Variants in THEMIS observed in about 807,000 individuals in gnomAD.
The protein encoded by THEMIS is protein THEMIS.
A neutral mutation model predicts 52.6 loss-of-function variants in THEMIS; 37 were observed. The observed-to-expected ratio is 0.70, with a 90% CI of 0.54 to 0.93. THEMIS has a LOEUF of 0.93. THEMIS is among the 40% of genes least tolerant of loss of function. The probability of loss-of-function intolerance (pLI) is 0.00; values close to 1 mark genes in which losing one functional copy is unlikely to be tolerated. For synonymous variants in THEMIS, 292 were observed against 272.7 expected (o/e 1.07, Z -0.70); for missense variants, 808 against 763.1 (o/e 1.06, Z -0.69).
At chr6:127,707,353 A>G (rs912705057), downstream of THEMIS, among the ~76,000 whole-genome samples, 2 of 152,126 alleles carry the variant, frequency 1.3e-5, no homozygotes, top group African/African-American at 4.8e-5. Flanking sequence ...ACCTTTCTAG[A>G]TCATTTTAGG....
chr6:127,782,771 C>T (rs910439403), intron 4 of THEMIS, among the ~76,000 whole-genome samples: 1 of 152,174 alleles, frequency 6.6e-6, no homozygotes, highest in Non-Finnish European at 1.5e-5. Flanking sequence ...CTTCCATGCT[C>T]ATGGATAGGA....
At chr6:127,913,104 G>A (rs191840990) in intron 1 of THEMIS, among the ~76,000 whole-genome samples, 2 of 152,090 alleles carry the variant, frequency 1.3e-5, no homozygotes, top group Admixed American at 6.5e-5. Context: ...GTAATGCTCT[G>A]CTGGCCAGAT....
intron 1 of THEMIS, among the ~76,000 whole-genome samples, chr6:127,861,783 C>CAAAAAAAAAAAAAAAAAAAAAAAA (rs1225783673): frequency 1.6e-4 from 15 of 95,688 alleles, no homozygotes; most frequent in African/African-American, 4.0e-4. Flanking sequence ...GACTCCATCT[C>CAAAAAAAAAAAAAAAAAAAAAAAA]AAAAAAAAAA....
chr6:127,887,048 A>G (rs1168105178), intron 1 of THEMIS, among the ~76,000 whole-genome samples: 1 of 151,780 alleles, frequency 6.6e-6, no homozygotes, highest in Non-Finnish European at 1.5e-5. Flanking sequence ...TCAAAATGTA[A>G]AACTTTTTGC....
At chr6:127,884,444 G>C (rs1221851972) in intron 1 of THEMIS, among the ~76,000 whole-genome samples, 1 of 151,896 alleles carries the variant, frequency 6.6e-6, no homozygotes. Flanking sequence ...ACTGAATTAG[G>C]CACCCCCTCT....
At chr6:127,815,086 T>C (rs189007067) in intron 3 of THEMIS, among the ~76,000 whole-genome samples, 5 of 152,176 alleles carry the variant, frequency 3.3e-5, no homozygotes, top group Non-Finnish European at 1.5e-5. Flanking sequence ...GAGAAGCAAA[T>C]GTTGCAGTGA....
At chr6:127,887,453 C>T (rs1045612876) in intron 1 of THEMIS, among the ~76,000 whole-genome samples, 1 of 152,032 alleles carries the variant, frequency 6.6e-6, no homozygotes, top group African/African-American at 2.4e-5. Flanking sequence ...AATCATGAAA[C>T]AATCTGAGTG....
chr6:127,834,322 G>T (rs1284316756), intron 2 of THEMIS, among the ~76,000 whole-genome samples: 2 of 150,596 alleles, frequency 1.3e-5, no homozygotes, highest in African/African-American at 4.9e-5. Context: ...TGTAATCCCA[G>T]TACTTTGGGA....
chr6:127,827,681 C>T (rs1339864798), intron 3 of THEMIS, among the ~76,000 whole-genome samples: 1 of 152,092 alleles, frequency 6.6e-6, no homozygotes, highest in Non-Finnish European at 1.5e-5. Context: ...TTTCCCCTTC[C>T]AATAGATCTT....
chr6:127,829,910 T>C lies in THEMIS; in HGVS notation c.275A>G (p.Lys92Arg). 6.2e-7 allele frequency: 1 copy of C among 1,611,406 alleles called. No homozygotes were observed. The highest frequency in any genetic ancestry group is 1.1e-5 in the South Asian group (1 of 90,642). Residue 92 changes from lysine to arginine, a missense_variant, in exon 3 of 6, where the codon AAA (lysine) becomes AGA (arginine). Coordinates refer to ENST00000368248, the MANE Select transcript of THEMIS (RefSeq NM_001010923.3). ...FPGLFKIVAD[K>R]TPYLTMEEIT... ...TTCTTCCATAGTAAGGTATGGAGTT[T>C]TATCAGCCACAATCTTAAAAAGACC...
At chr6:127,910,155 T>C (rs1243918815) in intron 1 of THEMIS, 2 of 152,178 alleles carry the variant, frequency 1.3e-5, no homozygotes, top group Non-Finnish European at 2.9e-5. Flanking sequence ...CTAATTTCCT[T>C]TTTAAATATA....
chr6:127,894,811 C>T (rs1406547990), intron 1 of THEMIS, among the ~76,000 whole-genome samples: 2 of 151,240 alleles, frequency 1.3e-5, no homozygotes, highest in African/African-American at 2.4e-5. Flanking sequence ...ACAGAAATAG[C>T]AAAATTTATG....
chr6:127,864,199 AG>A (rs1000736156), intron 1 of THEMIS, among the ~76,000 whole-genome samples: 2 of 152,104 alleles, frequency 1.3e-5, no homozygotes, highest in Non-Finnish European at 2.9e-5. Flanking sequence ...TTATAGACCA[AG>A]GGGGGCACAG....
chr6:127,890,774 AAT>A (rs1780780354), intron 1 of THEMIS, among the ~76,000 whole-genome samples: 1 of 152,102 alleles, frequency 6.6e-6, no homozygotes, highest in Non-Finnish European at 1.5e-5. Context: ...TTGTGAGAAA[AAT>A]AGTGTATATT....
intron 4 of THEMIS, among the ~76,000 whole-genome samples, chr6:127,739,155 CA>C (rs372171174): frequency 6.2e-4 from 95 of 152,220 alleles, no homozygotes; most frequent in Non-Finnish European, 8.8e-4. Flanking sequence ...CCATGACAAA[CA>C]CCCCTTCTCA....
intron 4 of THEMIS, among the ~76,000 whole-genome samples, chr6:127,750,918 C>G (rs116523053): frequency 0.018 from 2,709 of 151,556 alleles, 102 homozygotes; most frequent in African/African-American, 0.062. Flanking sequence ...CCCAGGCAAA[C>G]AAAAGTTGAG....
chr6:127,713,061 C>A (rs150424406), intron 5 of THEMIS, among the ~76,000 whole-genome samples: 11 of 151,958 alleles, frequency 7.2e-5, no homozygotes, highest in African/African-American at 2.6e-4. Context: ...CTGCCATGAA[C>A]CATCTACCTC....
intron 2 of THEMIS, among the ~76,000 whole-genome samples, chr6:127,839,815 A>T (rs1778987213): frequency 6.6e-6 from 1 of 152,158 alleles, no homozygotes; most frequent in Non-Finnish European, 1.5e-5. Flanking sequence ...TAAGCACTGC[A>T]CATCTTGGTT....
intron 4 of THEMIS, among the ~76,000 whole-genome samples, chr6:127,745,298 C>T (rs1775349182): frequency 1.3e-5 from 2 of 151,714 alleles, no homozygotes; most frequent in Admixed American, 6.6e-5. Context: ...ATCTAAAATG[C>T]TTTATAGAGA....
Sources: allele counts gnomAD v4.1 joint callset (sites outside exome capture counted in the v4.1 genomes callset), GRCh38; gene constraint gnomAD v4.1.1; transcripts MANE v1.5; gene names NCBI Gene and HGNC (gene_info 2026-07-23, HGNC 2026-07-21).